MTUS2: variants seen among roughly 807,000 people sequenced by gnomAD.
MTUS2 encodes the protein microtubule-associated tumor suppressor candidate 2.
In MTUS2, 40 loss-of-function variants were observed where a neutral mutation model predicts 114.1. The ratio of observed to expected loss-of-function variants is 0.35; its 90% CI spans 0.27 to 0.46. MTUS2 has a LOEUF of 0.46. Ranked by LOEUF, MTUS2 falls within the 20% of genes least tolerant of loss-of-function variation. The probability of loss-of-function intolerance (pLI) is 1.00; values close to 1 mark genes in which losing one functional copy is unlikely to be tolerated. For missense variants in MTUS2, 1,679 were observed against 1,705.4 expected, an observed-to-expected ratio of 0.98 and a Z score of 0.27; for synonymous variants, 688 against 672.0, an observed-to-expected ratio of 1.02 and a Z score of -0.37.
intron 8 of MTUS2, among the ~76,000 whole-genome samples, chr13:29,433,297 G>A (rs1207558687): frequency 6.6e-6 from 1 of 152,116 alleles, no homozygotes; most frequent in Non-Finnish European, 1.5e-5. Context: ...CTAATACACG[G>A]TATGACTTTG....
At chr13:29,374,799 ACCTGTAATCCCAGCTACTCGGGAG>A (rs1871453745) in intron 8 of MTUS2, among the ~76,000 whole-genome samples, 1 of 151,992 alleles carries the variant, frequency 6.6e-6, no homozygotes, top group East Asian at 1.9e-4. Context: ...CGGGAGGCTG[ACCTGTAATCCCAGCTACTCGGGAG>A]GCTGAGACAG....
chr13:29,103,512 C>T (rs368901657), intron 5 of MTUS2, among the ~76,000 whole-genome samples: 68 of 152,200 alleles, frequency 4.5e-4, no homozygotes, highest in African/African-American at 1.3e-3. Context: ...TACGTAAGCA[C>T]GAATGAAGCT....
chr13:29,470,037 C>T lies in MTUS2; in HGVS notation c.3185-10113C>T, dbSNP rs189543865. On this transcript the variant is annotated intron_variant, in intron 9 of 15. Coordinates refer to ENST00000612955, the MANE Select transcript of MTUS2 (RefSeq NM_001033602.4). The stretch of plus-strand genomic sequence containing the variant: ...TATTTATGTATTTTTTACATCCCAT[C>T]CCAGACTCCTAATGCCCAAAATGCC... Among the ~76,000 whole-genome samples, 8 of 152,142 alleles carry T rather than the reference C, an allele frequency of 5.3e-5. No homozygotes were observed. The East Asian group carries it at 1.5e-3, about 29-fold the overall frequency.
chr13:29,160,764 C>T (rs913724986), intron 5 of MTUS2, among the ~76,000 whole-genome samples: 26 of 133,434 alleles, frequency 1.9e-4, no homozygotes, highest in African/African-American at 5.3e-4. Flanking sequence ...AGCGAGACTC[C>T]GTCTCAAAAA....
chr13:29,492,269 TGTG>T (rs1300474787), intron 11 of MTUS2, among the ~76,000 whole-genome samples: 7 of 149,860 alleles, frequency 4.7e-5, no homozygotes, highest in African/African-American at 9.9e-5. Flanking sequence ...GTGTGGTAGA[TGTG>T]TGTGGCATGT....
intron 8 of MTUS2, among the ~76,000 whole-genome samples, chr13:29,403,955 T>C (rs556180515): frequency 2.0e-5 from 3 of 152,072 alleles, no homozygotes; most frequent in Non-Finnish European, 4.4e-5. Flanking sequence ...CCATCTAAAC[T>C]CTTCCTCATA....
intron 3 of MTUS2, among the ~76,000 whole-genome samples, chr13:29,033,618 T>G (rs1227032005): frequency 6.6e-6 from 1 of 152,134 alleles, no homozygotes; most frequent in Non-Finnish European, 1.5e-5. Context: ...ACAATGGAAT[T>G]AAAAAAATCT....
intron 2 of MTUS2, among the ~76,000 whole-genome samples, chr13:28,960,274 G>T (rs1167242231): frequency 6.6e-6 from 1 of 152,162 alleles, no homozygotes; most frequent in Non-Finnish European, 1.5e-5. Flanking sequence ...CCCATAAATT[G>T]CTTGTGGGAT....
chr13:29,035,849 A>C (rs1346325095), intron 4 of MTUS2, among the ~76,000 whole-genome samples: 1 of 152,162 alleles, frequency 6.6e-6, no homozygotes, highest in African/African-American at 2.4e-5. Context: ...AAAGAAAAAG[A>C]AAAAGAAAAA....
rs527620160 is a variant in MTUS2 at position 28,836,497 on chromosome 13, C to T, written c.-315-3281C>T. Among the ~76,000 whole-genome samples, 3 of 152,332 alleles carry T rather than the reference C, an allele frequency of 2.0e-5. No individual in the cohort carries two copies. The East Asian group carries it at 5.8e-4, about 29-fold the overall frequency. ...CTCAAAAAATCATAGTCTGTTTCTA[C>T]ATAGGGTCAGTCGTATGAATACTGG... On this transcript the variant is annotated intron_variant, in intron 1 of 15. Transcript: ENST00000612955.
At chr13:28,833,044 C>T (rs73161832) in intron 1 of MTUS2, among the ~76,000 whole-genome samples, 2,081 of 152,154 alleles carry the variant, frequency 0.014, 22 homozygotes, top group Non-Finnish European at 0.023. Context: ...CTGAAGTGAC[C>T]TATAATGAGA....
In MTUS2 at chr13:29,326,937, G is replaced by A. The variant is rs201824300; in HGVS notation, c.2905+2226G>A. 9.9e-5 allele frequency among the ~76,000 whole-genome samples: 15 copies of A among 152,126 alleles called. No individual in the cohort carries two copies. The East Asian group carries it at 2.5e-3, about 25-fold the overall frequency. ...AGAGGTTGCAGTGAGCCAAGGTCAC[G>A]CCACTACACTCCAGCCTCGGCAACA... On this transcript the variant is annotated intron_variant, in intron 7 of 15. Transcript: ENST00000612955.
At chr13:29,372,261 C>G (rs575694547) in intron 8 of MTUS2, among the ~76,000 whole-genome samples, 19 of 151,916 alleles carry the variant, frequency 1.3e-4, no homozygotes, top group African/African-American at 4.3e-4. Context: ...TCACGTCTAG[C>G]AGCACCAACA....
chr13:29,243,681 A>G (rs1896809217), intron 5 of MTUS2, among the ~76,000 whole-genome samples: 2 of 152,204 alleles, frequency 1.3e-5, no homozygotes, highest in African/African-American at 4.8e-5. Flanking sequence ...TGTTGAAAAT[A>G]TTAATATAAG....
At chr13:29,033,851 G>A in intron 3 of MTUS2, 34 bp from the exon 4 acceptor site, 1 of 1,612,162 alleles carries the variant, frequency 6.2e-7, no homozygotes, top group Non-Finnish European at 8.5e-7. Context: ...ATGATGTGAA[G>A]GTCTCTGATT....
intron 5 of MTUS2, among the ~76,000 whole-genome samples, chr13:29,136,894 T>TA (rs1892001867): frequency 6.6e-6 from 1 of 152,200 alleles, no homozygotes; most frequent in Non-Finnish European, 1.5e-5. Context: ...GAACCAGTCT[T>TA]ATGGGACTAA....
At chr13:29,074,035 G>T (rs2138700795) in intron 4 of MTUS2, among the ~76,000 whole-genome samples, 1 of 152,058 alleles carries the variant, frequency 6.6e-6, no homozygotes, top group East Asian at 1.9e-4. Context: ...TCTCTTTATT[G>T]GCTGCCTCCC....
chr13:29,147,537 A>G (rs965193000), intron 5 of MTUS2, among the ~76,000 whole-genome samples: 2 of 152,144 alleles, frequency 1.3e-5, no homozygotes, highest in African/African-American at 4.8e-5. Flanking sequence ...CTTGTCCCCT[A>G]GGTACTAAGT....
chr13:28,923,479 A>G (rs117490656), intron 2 of MTUS2, among the ~76,000 whole-genome samples: 332 of 152,314 alleles, frequency 2.2e-3, no homozygotes, highest in Non-Finnish European at 2.9e-3. Context: ...TCCAAAGATA[A>G]TTTAATCTTT....
Sources: gnomAD v4.1 joint callset for allele counts (sites outside exome capture counted in the v4.1 genomes callset) on GRCh38, gnomAD v4.1.1 for gene constraint, MANE v1.5 for transcripts, NCBI Gene and HGNC (gene_info 2026-07-23, HGNC 2026-07-21) for gene names.